NSMCE2: variants seen among roughly 807,000 people sequenced by gnomAD.
NSMCE2 encodes the protein NSE2 SUMO ligase component of SMC5/6 complex.
NSMCE2 carries 24 observed loss-of-function variants against 23.8 expected under a neutral mutation model. That is an observed-to-expected ratio of 1.01 (90% CI 0.73 to 1.42). The LOEUF (loss-of-function observed/expected upper bound fraction) is 1.42, where lower values mean the gene tolerates loss of function less well. Ranked by LOEUF, NSMCE2 falls within the 40% of genes most tolerant of loss-of-function variation. NSMCE2 has a pLI of 0.00. For missense variants in NSMCE2, 284 were observed against 296.5 expected (o/e 0.96, Z 0.31); for synonymous variants, 92 against 94.1 (o/e 0.98, Z 0.13).
At chr8:125,164,114 T>G (rs1231069167) in intron 4 of NSMCE2, among the ~76,000 whole-genome samples, 1 of 152,214 alleles carries the variant, frequency 6.6e-6, no homozygotes, top group African/African-American at 2.4e-5. Context: ...TACTCCAGTC[T>G]CCTGGCCCTT....
intron 5 of NSMCE2, among the ~76,000 whole-genome samples, chr8:125,190,756 G>A (rs536399692): frequency 2.8e-4 from 43 of 152,300 alleles, no homozygotes; most frequent in African/African-American, 9.4e-4. Context: ...GGCATGCTTT[G>A]TATAATGCCT....
chr8:125,251,697 A>C (rs1296754011), intron 5 of NSMCE2, among the ~76,000 whole-genome samples: 1 of 152,232 alleles, frequency 6.6e-6, no homozygotes, highest in African/African-American at 2.4e-5. Flanking sequence ...AGTTATTTTC[A>C]TAATTAGCTG....
intron 4 of NSMCE2, among the ~76,000 whole-genome samples, chr8:125,160,727 T>A (rs1229885748): frequency 6.6e-6 from 1 of 152,246 alleles, no homozygotes; most frequent in Non-Finnish European, 1.5e-5. Flanking sequence ...TCACAGTTTT[T>A]AATTCAGGAA....
In NSMCE2 at chr8:125,316,718, CTTTCTTT is replaced by C. The variant is rs1460384486; in HGVS notation, c.419-40500_419-40494del. Among the ~76,000 whole-genome samples the C allele has an allele frequency of 4.7e-3, 402 of 84,820 alleles. 17 individuals carry two copies. The highest frequency in any genetic ancestry group is 0.013 in the Middle Eastern group (2 of 150). The allele number at this position is 84,820 out of a possible 152,430, so 55.6% of individuals were successfully genotyped here. On this transcript the variant is annotated intron_variant, in intron 5 of 7. Transcript: ENST00000287437. ...TCTTTCCTTCCTTCCTTCTTTCCTT[CTTTCTTT>C]CCTTCTTTTCCTTCCTTCCTTCCTT... is the stretch of plus-strand genomic sequence containing the variant.
intron 5 of NSMCE2, among the ~76,000 whole-genome samples, chr8:125,217,275 T>A (rs1824630973): frequency 6.6e-6 from 1 of 152,168 alleles, no homozygotes; most frequent in Non-Finnish European, 1.5e-5. Context: ...CACTGTAATT[T>A]TCAGGGAGTC....
At chr8:125,319,190 G>C (rs575723690) in intron 5 of NSMCE2, among the ~76,000 whole-genome samples, 1 of 152,262 alleles carries the variant, frequency 6.6e-6, no homozygotes, top group South Asian at 2.1e-4. Context: ...TGGTCATCCT[G>C]AGCACAACTT....
intron 3 of NSMCE2, among the ~76,000 whole-genome samples, chr8:125,123,258 A>G (rs564633888): frequency 7.2e-4 from 109 of 152,294 alleles, no homozygotes; most frequent in African/African-American, 2.4e-3. Flanking sequence ...TCCTAGACTC[A>G]GGTGTGTTTA....
chr8:125,108,023 G>C (rs907766915), intron 3 of NSMCE2, among the ~76,000 whole-genome samples: 6 of 137,504 alleles, frequency 4.4e-5, no homozygotes, highest in African/African-American at 1.9e-4. Flanking sequence ...AACAGGGCCA[G>C]AGCCTGTCTC....
chr8:125,262,165 C>A (rs1483413537), intron 5 of NSMCE2, among the ~76,000 whole-genome samples: 2 of 150,866 alleles, frequency 1.3e-5, no homozygotes, highest in Non-Finnish European at 3.0e-5. Context: ...ATGGCTCACA[C>A]CTGTAATCCC....
intron 5 of NSMCE2, among the ~76,000 whole-genome samples, chr8:125,197,109 A>G (rs1823659733): frequency 6.6e-6 from 1 of 152,194 alleles, no homozygotes; most frequent in African/African-American, 2.4e-5. Flanking sequence ...CCTTTATCAG[A>G]TAGGTAGATT....
At chr8:125,156,135 G>T (rs1821295536) in intron 4 of NSMCE2, 1 of 305,038 alleles carries the variant, frequency 3.3e-6, no homozygotes, top group Non-Finnish European at 6.3e-6. Flanking sequence ...AAATGTTTTT[G>T]GTGACCAGTA....
At chr8:125,107,040 C>T (rs1818497690) in intron 3 of NSMCE2, among the ~76,000 whole-genome samples, 1 of 151,918 alleles carries the variant, frequency 6.6e-6, no homozygotes, top group South Asian at 2.1e-4. Flanking sequence ...CCATTAGCAA[C>T]AAATGCTGTT....
intron 7 of NSMCE2, among the ~76,000 whole-genome samples, chr8:125,359,192 G>C (rs943436168): frequency 6.8e-6 from 1 of 147,602 alleles, no homozygotes; most frequent in South Asian, 2.4e-4. Context: ...GCATGAACCC[G>C]GGAGGCGGAG....
chr8:125,319,668 G>T (rs576965413), intron 5 of NSMCE2, among the ~76,000 whole-genome samples: 4 of 152,116 alleles, frequency 2.6e-5, no homozygotes, highest in Non-Finnish European at 5.9e-5. Flanking sequence ...CAGAAGAGAA[G>T]ACTAGTGAAC....
intron 4 of NSMCE2, among the ~76,000 whole-genome samples, chr8:125,179,092 T>C (rs180984639): frequency 3.3e-5 from 5 of 152,294 alleles, no homozygotes; most frequent in Non-Finnish European, 5.9e-5. Flanking sequence ...ACCTAATCTG[T>C]GGTACTTTGT....
At chr8:125,307,371 C>T (rs1235212309) in intron 5 of NSMCE2, among the ~76,000 whole-genome samples, 1 of 152,182 alleles carries the variant, frequency 6.6e-6, no homozygotes, top group Non-Finnish European at 1.5e-5. Flanking sequence ...AGCCAGCCAT[C>T]GTGTTGTCTG....
intron 5 of NSMCE2, among the ~76,000 whole-genome samples, chr8:125,335,035 CGTGAGCCGCA>C (rs1266629430): frequency 6.6e-6 from 1 of 151,982 alleles, no homozygotes; most frequent in Non-Finnish European, 1.5e-5. Context: ...GGATTACAGG[CGTGAGCCGCA>C]GTACCTGACC....
rs558085487 is a variant in NSMCE2 at position 125,342,558 on chromosome 8, A to G, written c.419-14661A>G. ...GCAAGGACTTTGTTCTACGATGCTG[A>G]CTCAGTGATGCCTTCCCTTGGGCTC... On this transcript the variant is annotated intron_variant, in intron 5 of 7. Transcript: ENST00000287437. Among the ~76,000 whole-genome samples the G allele has an allele frequency of 4.6e-5, 7 of 152,148 alleles. No homozygotes were observed. In the South Asian group the frequency reaches 6.2e-4, roughly 14 times the overall value.
In NSMCE2 at chr8:125,252,332, A is replaced by T. The variant is rs777861343; in HGVS notation, c.418+70076A>T. Among the ~76,000 whole-genome samples, 59 of 152,230 alleles carry T rather than the reference A, an allele frequency of 3.9e-4. 1 individual carries two copies. The highest frequency in any genetic ancestry group is 7.2e-4 in the Non-Finnish European group (49 of 68,010). On this transcript the variant is annotated intron_variant, in intron 5 of 7. Coordinates refer to ENST00000287437, the MANE Select transcript of NSMCE2 (RefSeq NM_173685.4). Reference sequence around the variant, plus strand: ...TCACAAGGTAAGGAGATTGAGACCAACCTGGCTAACACGGTGAAACCCTGT... The same window carrying T: ...TCACAAGGTAAGGAGATTGAGACCATCCTGGCTAACACGGTGAAACCCTGT...
Sources: gnomAD v4.1 joint callset for allele counts (sites outside exome capture counted in the v4.1 genomes callset) on GRCh38, gnomAD v4.1.1 for gene constraint, MANE v1.5 for transcripts, NCBI Gene and HGNC (gene_info 2026-07-23, HGNC 2026-07-21) for gene names.